MYO1E: variants seen among roughly 807,000 people sequenced by gnomAD.
MYO1E encodes unconventional myosin-Ie.
A neutral mutation model predicts 151.1 loss-of-function variants in MYO1E; 68 were observed. That is an observed-to-expected ratio of 0.45 (90% CI 0.37 to 0.55). MYO1E has a LOEUF of 0.55. MYO1E is among the 20% of genes least tolerant of loss of function. The pLI, the probability that MYO1E is intolerant of heterozygous loss-of-function variation, is 0.00. For synonymous variants in MYO1E, 601 were observed against 501.7 expected (o/e 1.20, Z -2.64); for missense variants, 1,363 against 1,389.3 (o/e 0.98, Z 0.30).
chr15:59,146,977 C>A (rs1208279722), intron 26 of MYO1E, among the ~76,000 whole-genome samples: 1 of 152,036 alleles, frequency 6.6e-6, no homozygotes, highest in African/African-American at 2.4e-5. Flanking sequence ...CATTATAACC[C>A]AGAAACAAAT....
At position 59,261,503 on chromosome 15, in the gene MYO1E, T is replaced by A; in HGVS notation, c.154A>T (p.Ile52Leu). 1 of 1,593,866 alleles carries A rather than the reference T, an allele frequency of 6.3e-7. No homozygotes were observed. The highest frequency in any genetic ancestry group is 8.6e-7 in the Non-Finnish European group (1 of 1,161,720). Reference protein sequence around the residue: ...RYMDDYIFTYIGSVLISVNPF... With the variant: ...RYMDDYIFTYLGSVLISVNPF... ...TTGACTGAGATTAATACAGATCCTA[T>A]ATATGTCTGAATTTAACTCAGTTAA... The change falls in exon 3 of 28, where the codon ATA (isoleucine) becomes TTA (leucine). Residue 52 changes from isoleucine (I) to leucine (L), a missense_variant. Transcript: ENST00000288235.
chr15:59,328,771 T>C (rs2080681670), intron 1 of MYO1E, among the ~76,000 whole-genome samples: 1 of 152,072 alleles, frequency 6.6e-6, no homozygotes, highest in South Asian at 2.1e-4. Flanking sequence ...GAGTTAAGCA[T>C]TTAGGGCATG....
rs201824491 is a variant in MYO1E, at chr15:59,338,231, A to AT, written c.3+34266dup. 8.9e-3 allele frequency among the ~76,000 whole-genome samples: 1,289 copies of AT among 145,282 alleles called. 22 individuals carry two copies. The highest frequency in any genetic ancestry group is 0.031 in the African/African-American group (1,217 of 39,636). On this transcript the variant is annotated intron_variant, in intron 1 of 27. Transcript: ENST00000288235. ...TGTCTCTACTTACAAATGAATTTCT[A>AT]TTTTCATTAATATAATTTTTTATAA...
intron 1 of MYO1E, among the ~76,000 whole-genome samples, chr15:59,307,430 A>C (rs376717486): frequency 6.6e-6 from 1 of 152,206 alleles, no homozygotes; most frequent in East Asian, 1.9e-4. Flanking sequence ...CACCATGGGA[A>C]AGGGACAGAG....
At chr15:59,228,528 A>C (rs1387008906) in intron 6 of MYO1E, among the ~76,000 whole-genome samples, 1 of 151,200 alleles carries the variant, frequency 6.6e-6, no homozygotes, top group African/African-American at 2.4e-5. Context: ...ATTATTATAT[A>C]TATTTCATAT....
chr15:59,342,866 G>A (rs1478630700), intron 1 of MYO1E, among the ~76,000 whole-genome samples: 1 of 152,172 alleles, frequency 6.6e-6, no homozygotes, highest in Non-Finnish European at 1.5e-5. Context: ...ACTTAACATC[G>A]ATTGCATAAA....
intron 1 of MYO1E, among the ~76,000 whole-genome samples, chr15:59,326,161 A>C (rs1417044025): frequency 4.6e-5 from 7 of 151,652 alleles, no homozygotes; most frequent in Non-Finnish European, 8.8e-5. Flanking sequence ...AAAAAAAAAA[A>C]CCCAGACAGC....
intron 23 of MYO1E, among the ~76,000 whole-genome samples, chr15:59,161,988 A>T (rs1209965335): frequency 2.0e-5 from 3 of 152,184 alleles, no homozygotes; most frequent in Non-Finnish European, 2.9e-5. Flanking sequence ...GAAAAGATGG[A>T]GGATATTCCC....
chr15:59,236,947 G>A (rs2080070653), intron 4 of MYO1E, among the ~76,000 whole-genome samples: 1 of 152,154 alleles, frequency 6.6e-6, no homozygotes, highest in Non-Finnish European at 1.5e-5. Flanking sequence ...CCCAATAATG[G>A]GGGATATGAT....
intron 1 of MYO1E, among the ~76,000 whole-genome samples, chr15:59,336,756 C>G (rs1195111065): frequency 6.6e-6 from 1 of 151,970 alleles, no homozygotes; most frequent in African/African-American, 2.4e-5. Flanking sequence ...CCCCCCACCC[C>G]CTGACAGGCC....
intron 1 of MYO1E, among the ~76,000 whole-genome samples, chr15:59,296,744 A>G (rs1329533588): frequency 6.6e-6 from 1 of 151,894 alleles, no homozygotes; most frequent in East Asian, 1.9e-4. Flanking sequence ...TTTGTGTTTG[A>G]GTGCAGGACA....
chr15:59,331,402 T>C (rs1380745767), intron 1 of MYO1E, among the ~76,000 whole-genome samples: 1 of 152,124 alleles, frequency 6.6e-6, no homozygotes, highest in Non-Finnish European at 1.5e-5. Flanking sequence ...AGCACTGATA[T>C]GAGAAATCAG....
intron 22 of MYO1E, chr15:59,171,165 G>A (rs1275732666): frequency 6.4e-6 from 1 of 155,942 alleles, no homozygotes; most frequent in African/African-American, 2.4e-5. Flanking sequence ...ACTTCGGGAG[G>A]ACTTAGCATG....
Position 59,336,648 on chromosome 15 carries a change from C to T in MYO1E, c.3+35850G>A, listed in dbSNP as rs181105529. 1.3e-4 allele frequency among the ~76,000 whole-genome samples: 20 copies of T among 152,032 alleles called. No homozygotes were observed. In the East Asian group the frequency reaches 3.7e-3, roughly 28 times the overall value. On this transcript the variant is annotated intron_variant, in intron 1 of 27. Transcript: ENST00000288235. Reference sequence around the variant, plus strand: ...TAAGTTCTGGGATACATTTGCAGAACGTGCGGGTTTGTTACATAGGTATAC... The same window carrying T: ...TAAGTTCTGGGATACATTTGCAGAATGTGCGGGTTTGTTACATAGGTATAC...
Position 59,295,942 on chromosome 15 carries a change from C to CGCCTACTTA in MYO1E, c.4-23502_4-23494dup, listed in dbSNP as rs141155241. ...GTGAGTCCCTCTGTGTGCTCAATCT[C>CGCCTACTTA]GCCTACTTAGACCTAAAGAGGGGGC... On this transcript the variant is annotated intron_variant, in intron 1 of 27. Transcript: ENST00000288235. Among the ~76,000 whole-genome samples, 359 of 152,234 alleles carry CGCCTACTTA rather than the reference C, an allele frequency of 2.4e-3. 1 individual carries two copies. The highest frequency in any genetic ancestry group is 8.0e-3 in the African/African-American group (333 of 41,508).
chr15:59,230,196 T>C (rs1459652092), intron 6 of MYO1E, among the ~76,000 whole-genome samples: 3 of 140,018 alleles, frequency 2.1e-5, no homozygotes, highest in African/African-American at 8.0e-5. Flanking sequence ...TGATGGTGAA[T>C]AGTGAGAGAG....
chr15:59,353,384 G>A (rs201658057), intron 1 of MYO1E, among the ~76,000 whole-genome samples: 2 of 138,166 alleles, frequency 1.4e-5, no homozygotes, highest in Admixed American at 7.2e-5. Flanking sequence ...GAAAAGAAAA[G>A]AAAAGAAAAG....
rs1479846611 is a variant in MYO1E, at chr15:59,236,672, A to G, written c.333T>C (p.Ser111=). The part of the protein sequence containing the change: ...IDRENQCVII[S]GESGAGKTVA... ...CTGTTTTTCCAGCACCACTTTCACC[A>G]CTAAAGAAAGACAGACAAAGAATCC... Residue 111 remains serine, a splice_region_variant and synonymous_variant, in exon 5 of 28, where the codon AGT becomes AGC. Transcript: ENST00000288235. The G allele has an allele frequency of 6.2e-7, 1 of 1,611,442 alleles. No homozygotes were observed. Among genetic ancestry groups the G allele is most frequent in the African/African-American group, 1.3e-5 (1 of 74,834 alleles).
intron 1 of MYO1E, among the ~76,000 whole-genome samples, chr15:59,305,402 C>A (rs1207686133): frequency 6.6e-6 from 1 of 151,998 alleles, no homozygotes; most frequent in Non-Finnish European, 1.5e-5. Flanking sequence ...GCCATGTTGC[C>A]CAGGCTGGTC....
Sources: allele counts gnomAD v4.1 joint callset (sites outside exome capture counted in the v4.1 genomes callset), GRCh38; gene constraint gnomAD v4.1.1; transcripts MANE v1.5; gene names NCBI Gene and HGNC (gene_info 2026-07-23, HGNC 2026-07-21).